CHM: variants seen among roughly 807,000 people sequenced by gnomAD.
CHM encodes the protein rab proteins geranylgeranyltransferase component A 1.
Under a neutral mutation model 49.0 loss-of-function variants are expected in CHM, and 10 were observed. The observed-to-expected ratio is 0.20, with a 90% confidence interval of 0.13 to 0.35. The LOEUF (loss-of-function observed/expected upper bound fraction) is 0.35, where lower values mean the gene tolerates loss of function less well. Among genes scored for constraint, CHM ranks in the 10% least tolerant of loss-of-function variants. The pLI, the probability that CHM is intolerant of heterozygous loss-of-function variation, is 1.00. For synonymous variants in CHM, 184 were observed against 167.5 expected (o/e 1.10, Z -0.76); for missense variants, 455 against 478.4 (o/e 0.95, Z 0.46).
intron 2 of CHM, among the ~76,000 whole-genome samples, chrX:86,000,781 T>C (rs1932678840): frequency 9.0e-6 from 1 of 111,182 alleles, no homozygotes; most frequent in African/African-American, 3.3e-5. Context: ...CACTCATATG[T>C]CGGAGCTAAA....
chrX:85,893,057 A>G (rs1182767905), intron 12 of CHM, among the ~76,000 whole-genome samples: 1 of 111,694 alleles, frequency 9.0e-6, no homozygotes, highest in Non-Finnish European at 1.9e-5. Flanking sequence ...TAGACTGTGA[A>G]TCTCCTATGG....
intron 2 of CHM, among the ~76,000 whole-genome samples, chrX:86,013,424 G>T (rs1428199047): frequency 1.5e-4 from 17 of 111,598 alleles, no homozygotes; most frequent in African/African-American, 5.2e-4. Context: ...AAACAAGTAT[G>T]CTTTACATGT....
At position 86,027,586 on chromosome X, in the gene CHM, G is replaced by T. The variant is rs761324505; in HGVS notation, c.50-29C>A. 37 of 1,133,767 alleles carry T rather than the reference G, an allele frequency of 3.3e-5. No homozygotes were observed. In the Admixed American group the frequency reaches 8.1e-4, roughly 25 times the overall value. 93.4% of individuals were successfully genotyped at this position (1,133,767 alleles called of 1,213,427 possible). A position where few individuals can be genotyped will look rare whatever the true frequency, so the allele number is the denominator to read the frequency against. On this transcript the variant is annotated intron_variant, in intron 1 of 14. Transcript: ENST00000357749. ...CAAAAACACACACCCGTATCATTTA[G>T]AATGTAGAAATATATATATTTTACA...
intron 8 of CHM, among the ~76,000 whole-genome samples, chrX:85,953,388 T>C (rs1000011919): frequency 2.7e-5 from 3 of 111,606 alleles, no homozygotes; most frequent in Admixed American, 1.9e-4. Context: ...TATATCAAAA[T>C]ATCTATGGCA....
intron 6 of CHM, among the ~76,000 whole-genome samples, chrX:85,958,205 C>T (rs767925080): frequency 1.5e-4 from 17 of 112,073 alleles, no homozygotes; most frequent in African/African-American, 5.2e-4. Context: ...AAAAGGCCAA[C>T]GGCATGTCAT....
chrX:86,029,869 T>C (rs1230589214), intron 1 of CHM, among the ~76,000 whole-genome samples: 3 of 111,702 alleles, frequency 2.7e-5, no homozygotes. Context: ...GAGAATATCA[T>C]GATCTACCTC....
At chrX:85,981,524 G>A (rs1168365121) in intron 3 of CHM, among the ~76,000 whole-genome samples, 1 of 110,907 alleles carries the variant, frequency 9.0e-6, no homozygotes, top group African/African-American at 3.3e-5. Context: ...ATGAGCCATC[G>A]CACCCGAGCT....
intron 4 of CHM, chrX:85,970,565 T>A: frequency 2.6e-6 from 1 of 389,544 alleles, no homozygotes; most frequent in Non-Finnish European, 3.3e-6. Flanking sequence ...CTGCTATCTC[T>A]AGCATTCCTT....
intron 6 of CHM, 36 bp downstream of exon 6, chrX:85,958,825 C>G: frequency 8.3e-7 from 1 of 1,209,675 alleles, no homozygotes; most frequent in Non-Finnish European, 1.1e-6. Flanking sequence ...ATAACTTAAG[C>G]TGATGCCCAG....
At chrX:86,031,300 T>A (rs1934033555) in intron 1 of CHM, among the ~76,000 whole-genome samples, 1 of 111,279 alleles carries the variant, frequency 9.0e-6, no homozygotes, top group African/African-American at 3.3e-5. Flanking sequence ...CACTTAAAAA[T>A]TTGTTAAGAG....
At chrX:85,980,789 A>G (rs756856095) in intron 3 of CHM, among the ~76,000 whole-genome samples, 1 of 111,076 alleles carries the variant, frequency 9.0e-6, no homozygotes, top group Non-Finnish European at 1.9e-5. Context: ...CTGACTCTCC[A>G]TATTATGCTA....
At chrX:85,892,233 T>C (rs1925512612) in intron 12 of CHM, among the ~76,000 whole-genome samples, 1 of 110,855 alleles carries the variant, frequency 9.0e-6, no homozygotes, top group South Asian at 3.8e-4. Flanking sequence ...TTTGGGGGAC[T>C]GTTGGGAAGG....
intron 11 of CHM, among the ~76,000 whole-genome samples, chrX:85,898,119 C>A (rs1320176725): frequency 9.0e-6 from 1 of 110,731 alleles, no homozygotes; most frequent in Non-Finnish European, 1.9e-5. Flanking sequence ...CTCAACTGGG[C>A]CATTAATATT....
At chrX:86,039,743 T>C (rs1266442707) in intron 1 of CHM, among the ~76,000 whole-genome samples, 2 of 110,614 alleles carry the variant, frequency 1.8e-5, no homozygotes, top group Non-Finnish European at 3.8e-5. Flanking sequence ...CCCCATCCTG[T>C]GTACATAAAA....
rs58103002 is a variant in CHM at position 85,973,300 on chromosome X, C to CAAAAAAAAAAAAAAAA, written c.314+5451_314+5466dup. Among the ~76,000 whole-genome samples the CAAAAAAAAAAAAAAAA allele has an allele frequency of 1.1e-3, 18 of 16,334 alleles. 1 individual carries two copies. Among genetic ancestry groups the CAAAAAAAAAAAAAAAA allele is most frequent in the African/African-American group, 1.4e-3 (5 of 3,482 alleles). 14.2% of individuals were successfully genotyped at this position (16,334 alleles called of 115,157 possible). On this transcript the variant is annotated intron_variant, in intron 4 of 14. Transcript: ENST00000357749. ...GTGACACAGTGAGACTCTGTCTCGA[C>CAAAAAAAAAAAAAAAA]AAAAAAAAAAAAAAAAAAAAAAAAA... is the stretch of plus-strand genomic sequence containing the variant.
chrX:85,894,233 C>A lies in CHM; in HGVS notation c.1465G>T (p.Val489Phe). 8.3e-7 allele frequency: 1 copy of A among 1,210,607 alleles called. No homozygotes were observed. Among genetic ancestry groups the A allele is most frequent in the Non-Finnish European group, 1.1e-6 (1 of 894,858 alleles). The stretch of plus-strand genomic sequence containing the variant: ...ATCGTTGAAGAACATAACTCAATGA[C>A]CCGAACAGCAAAAGTTCCTGGTTCC... The part of the protein sequence containing the change: ...AEEPGTFAVR[V>F]IELCSSTMTC... Residue 489 changes from valine to phenylalanine, a missense_variant, in exon 12 of 15, where the codon GTC becomes TTC. Physicochemically the swap from Val to Phe is conservative, Grantham distance 50 (BLOSUM62 -1). Transcript: ENST00000357749.
chrX:85,903,684 C>A (rs1341659793), intron 9 of CHM: 1 of 383,850 alleles, frequency 2.6e-6, no homozygotes, highest in South Asian at 2.4e-5. Flanking sequence ...TTATAAAGTA[C>A]CCCTGGAGAT....
intron 1 of CHM, among the ~76,000 whole-genome samples, chrX:86,031,748 G>A (rs1239454586): frequency 1.8e-5 from 2 of 111,746 alleles, no homozygotes; most frequent in African/African-American, 3.3e-5. Flanking sequence ...GCTGAGGCAG[G>A]AGAATCGCTT....
chrX:85,892,734 C>T (rs1463776659), intron 12 of CHM, among the ~76,000 whole-genome samples: 1 of 111,155 alleles, frequency 9.0e-6, no homozygotes, highest in African/African-American at 3.3e-5. Flanking sequence ...GTTTTCTTAA[C>T]CCTCTCTGCT....
Sources: allele counts gnomAD v4.1 joint callset (sites outside exome capture counted in the v4.1 genomes callset), GRCh38; gene constraint gnomAD v4.1.1; transcripts MANE v1.5; gene names NCBI Gene and HGNC (gene_info 2026-07-23, HGNC 2026-07-21).